The following KCTD8 variants were observed in gnomAD, a reference collection of about 807,000 sequenced individuals.
KCTD8 encodes BTB/POZ domain-containing protein KCTD8.
In KCTD8, 27 loss-of-function variants were observed where a neutral mutation model predicts 31.5. The ratio of observed to expected loss-of-function variants is 0.86; its 90% confidence interval spans 0.63 to 1.18. KCTD8 has a LOEUF of 1.18. Among genes scored for constraint, KCTD8 ranks in the 50% most tolerant of loss-of-function variants. The probability of loss-of-function intolerance (pLI) is 0.00; values close to 1 mark genes in which losing one functional copy is unlikely to be tolerated. For missense variants in KCTD8, 658 were observed against 647.7 expected (o/e 1.02, Z -0.17); for synonymous variants, 290 against 280.0 (o/e 1.04, Z -0.36).
At chr4:44,250,304 G>T (rs1384695492) in intron 1 of KCTD8, among the ~76,000 whole-genome samples, 1 of 151,722 alleles carries the variant, frequency 6.6e-6, no homozygotes, top group Non-Finnish European at 1.5e-5. Context: ...TGTTATCTGA[G>T]TTAGTGATTT....
At chr4:44,418,554 G>T (rs1721133469) in intron 1 of KCTD8, among the ~76,000 whole-genome samples, 1 of 152,264 alleles carries the variant, frequency 6.6e-6, no homozygotes, top group South Asian at 2.1e-4. Context: ...GTTATTTTTA[G>T]AAGCTCATAT....
At chr4:44,284,096 C>T (rs1248594872) in intron 1 of KCTD8, among the ~76,000 whole-genome samples, 4 of 152,032 alleles carry the variant, frequency 2.6e-5, no homozygotes, top group Non-Finnish European at 5.9e-5. Context: ...CAAGCTACAA[C>T]TGACTTTCTT....
chr4:44,343,255 T>C (rs891419308), intron 1 of KCTD8, among the ~76,000 whole-genome samples: 1 of 152,186 alleles, frequency 6.6e-6, no homozygotes, highest in African/African-American at 2.4e-5. Flanking sequence ...GTAATTGGCC[T>C]GATTACAATA....
chr4:44,405,448 A>G (rs1244260091), intron 1 of KCTD8, among the ~76,000 whole-genome samples: 2 of 151,978 alleles, frequency 1.3e-5, no homozygotes, highest in East Asian at 3.9e-4. Context: ...TAGTAGAGAC[A>G]GGATTTCACC....
intron 1 of KCTD8, among the ~76,000 whole-genome samples, chr4:44,304,706 T>C (rs1444510320): frequency 2.0e-5 from 3 of 152,120 alleles, no homozygotes; most frequent in Non-Finnish European, 4.4e-5. Context: ...AAGAAATGGA[T>C]CTCTATATTT....
intron 1 of KCTD8, among the ~76,000 whole-genome samples, chr4:44,200,403 C>A (rs1714104835): frequency 6.6e-6 from 1 of 151,310 alleles, no homozygotes; most frequent in Admixed American, 6.6e-5. Context: ...ACACAAAAAT[C>A]CTCAACACAA....
chr4:44,408,230 G>T (rs928483773), intron 1 of KCTD8, among the ~76,000 whole-genome samples: 1 of 152,110 alleles, frequency 6.6e-6, no homozygotes. Flanking sequence ...TGTATAAAAA[G>T]TATTAGCATG....
chr4:44,407,938 G>A (rs1392182482), intron 1 of KCTD8, among the ~76,000 whole-genome samples: 1 of 152,044 alleles, frequency 6.6e-6, no homozygotes, highest in African/African-American at 2.4e-5. Context: ...TCTACACAAG[G>A]AGTACCCTCC....
chr4:44,246,212 T>A (rs1715660361), intron 1 of KCTD8, among the ~76,000 whole-genome samples: 1 of 152,006 alleles, frequency 6.6e-6, no homozygotes, highest in African/African-American at 2.4e-5. Flanking sequence ...AGCTTCAAAA[T>A]AAGCCAACCT....
rs556074779 is a variant in KCTD8, at chr4:44,283,025, T to TTTACTA, written c.962-107776_962-107775insTAGTAA. Among the ~76,000 whole-genome samples the TTTACTA allele has an allele frequency of 5.0e-3, 675 of 136,310 alleles. 5 individuals carry two copies. Among genetic ancestry groups the TTTACTA allele is most frequent in the Non-Finnish European group, 7.5e-3 (486 of 64,402 alleles). The allele number at this position is 136,310 out of a possible 152,430, so 89.4% of individuals were successfully genotyped here. On this transcript the variant is annotated intron_variant, in intron 1 of 1. Transcript: ENST00000360029. Reference sequence around the variant, plus strand: ...GAAAGTGGCTACAAAAACAACACATTTTATTATTATTATTATTATTATTAT... The same window carrying TTTACTA: ...GAAAGTGGCTACAAAAACAACACATTTTACTATTATTATTATTATTATTATTATTAT...
At chr4:44,243,564 A>G (rs1715567027) in intron 1 of KCTD8, among the ~76,000 whole-genome samples, 1 of 152,170 alleles carries the variant, frequency 6.6e-6, no homozygotes, top group Non-Finnish European at 1.5e-5. Flanking sequence ...AATTCCAGTC[A>G]TTGGTCCTTT....
intron 1 of KCTD8, among the ~76,000 whole-genome samples, chr4:44,242,851 CA>C (rs1715546097): frequency 6.6e-6 from 1 of 151,992 alleles, no homozygotes; most frequent in Admixed American, 6.6e-5. Flanking sequence ...CTGCTCTGGC[CA>C]AATGATGCTT....
Position 44,336,165 on chromosome 4 carries a change from AAAAAAAAAAAAG to A in KCTD8, c.961+111386_961+111397del, listed in dbSNP as rs1718738668. Among the ~76,000 whole-genome samples the A allele has an allele frequency of 3.4e-5, 5 of 148,850 alleles. No individual in the cohort carries two copies. The East Asian group carries it at 5.8e-4, about 17-fold the overall frequency. ...ACTCCGTCTCAAAAAAAAAAAAAAA[AAAAAAAAAAAAG>A]AAAAAATATAAAATTTAAATTTCTG... On this transcript the variant is annotated intron_variant, in intron 1 of 1. Transcript: ENST00000360029.
intron 1 of KCTD8, among the ~76,000 whole-genome samples, chr4:44,260,225 T>A (rs1033193063): frequency 1.3e-5 from 2 of 151,772 alleles, no homozygotes; most frequent in African/African-American, 4.8e-5. Flanking sequence ...AGGAAATATA[T>A]GTGATATTTT....
At chr4:44,353,914 AGT>A (rs1719279510) in intron 1 of KCTD8, among the ~76,000 whole-genome samples, 1 of 152,152 alleles carries the variant, frequency 6.6e-6, no homozygotes, top group Non-Finnish European at 1.5e-5. Flanking sequence ...CTCCAGTCCC[AGT>A]TATGTTACTG....
At chr4:44,339,283 C>T (rs1388247156) in intron 1 of KCTD8, among the ~76,000 whole-genome samples, 1 of 151,996 alleles carries the variant, frequency 6.6e-6, no homozygotes, top group African/African-American at 2.4e-5. Context: ...TTTAAAGGGG[C>T]ACTAACTATT....
intron 1 of KCTD8, among the ~76,000 whole-genome samples, chr4:44,249,789 C>A (rs1715773258): frequency 6.6e-6 from 1 of 151,298 alleles, no homozygotes; most frequent in South Asian, 2.1e-4. Flanking sequence ...CTTCCTGCCC[C>A]CTTCCCCTCC....
At chr4:44,416,049 T>A (rs1721072712) in intron 1 of KCTD8, among the ~76,000 whole-genome samples, 1 of 152,216 alleles carries the variant, frequency 6.6e-6, no homozygotes, top group Admixed American at 6.5e-5. Flanking sequence ...CCACAGGGGA[T>A]GGGATGACCA....
At chr4:44,249,080 A>G (rs1028606642) in intron 1 of KCTD8, among the ~76,000 whole-genome samples, 7 of 151,814 alleles carry the variant, frequency 4.6e-5, no homozygotes, top group African/African-American at 1.7e-4. Context: ...AGAAGGAGGT[A>G]ACAGTAAACG....
Sources: gnomAD v4.1 joint callset for allele counts (sites outside exome capture counted in the v4.1 genomes callset) on GRCh38, gnomAD v4.1.1 for gene constraint, MANE v1.5 for transcripts, NCBI Gene and HGNC (gene_info 2026-07-23, HGNC 2026-07-21) for gene names.